TBCA: variants seen among roughly 807,000 people sequenced by gnomAD.
TBCA encodes the protein tubulin-specific chaperone A.
TBCA carries 6 observed loss-of-function variants against 15.8 expected under a neutral mutation model. The observed-to-expected ratio is 0.38, with a 90% CI of 0.21 to 0.75. The LOEUF (loss-of-function observed/expected upper bound fraction) is 0.75. Ranked by LOEUF, TBCA falls within the 30% of genes least tolerant of loss-of-function variation. TBCA has a pLI of 0.46. For missense variants in TBCA, 90 were observed against 131.2 expected, an observed-to-expected ratio of 0.69 and a Z score of 1.53; for synonymous variants, 32 against 42.3, an observed-to-expected ratio of 0.76 and a Z score of 0.94.
intron 1 of TBCA, among the ~76,000 whole-genome samples, chr5:77,711,111 T>C (rs568917357): frequency 1.3e-5 from 2 of 152,136 alleles, no homozygotes; most frequent in Non-Finnish European, 2.9e-5. Flanking sequence ...CTATGAACAG[T>C]TTTTACATTT....
intron 1 of TBCA, among the ~76,000 whole-genome samples, chr5:77,709,560 T>C (rs892713243): frequency 3.9e-5 from 6 of 152,160 alleles, no homozygotes; most frequent in Non-Finnish European, 7.4e-5. Flanking sequence ...TGCAGAGAAA[T>C]TGGAGCCATC....
chr5:77,717,293 C>T (rs1290976707), intron 1 of TBCA, among the ~76,000 whole-genome samples: 3 of 152,200 alleles, frequency 2.0e-5, no homozygotes, highest in Admixed American at 6.5e-5. Context: ...TCACTAACAG[C>T]AGAAGATTGT....
At chr5:77,711,108 C>T (rs1051673377) in intron 1 of TBCA, among the ~76,000 whole-genome samples, 2 of 152,118 alleles carry the variant, frequency 1.3e-5, no homozygotes, top group Non-Finnish European at 2.9e-5. Flanking sequence ...GAGCTATGAA[C>T]AGTTTTTACA....
intron 1 of TBCA, among the ~76,000 whole-genome samples, chr5:77,718,423 AC>A (rs1283126253): frequency 6.6e-6 from 1 of 152,232 alleles, no homozygotes; most frequent in South Asian, 2.1e-4. Context: ...GTATCCACTT[AC>A]TACTTGGATG....
At chr5:77,710,395 T>G (rs1439409505) in intron 1 of TBCA, among the ~76,000 whole-genome samples, 1 of 152,240 alleles carries the variant, frequency 6.6e-6, no homozygotes, top group African/African-American at 2.4e-5. Context: ...CATTAATGCA[T>G]ATCACAAAAG....
rs35555938 is a variant in TBCA at position 77,708,982 on chromosome 5, C to CTT, written c.54-637_54-636dup. The stretch of plus-strand genomic sequence containing the variant: ...TACCAATATATATTAATACAACTGT[C>CTT]TTTTTTTTTTTTTTTTTAAATATGT... On this transcript the variant is annotated intron_variant, in intron 1 of 3. Coordinates refer to ENST00000380377, the MANE Select transcript of TBCA (RefSeq NM_004607.3). Among the ~76,000 whole-genome samples the CTT allele has an allele frequency of 8.6e-4, 122 of 141,374 alleles. 1 individual carries two copies. The highest frequency in any genetic ancestry group is 1.2e-3 in the East Asian group (6 of 4,874). The allele number at this position is 141,374 out of a possible 152,430, so 92.7% of individuals were successfully genotyped here.
At chr5:77,722,927 A>G (rs56182368) in intron 1 of TBCA, among the ~76,000 whole-genome samples, 1 of 151,728 alleles carries the variant, frequency 6.6e-6, no homozygotes, top group Middle Eastern at 3.5e-3. Flanking sequence ...ATATCTCTCT[A>G]TGATAGTATA....
intron 1 of TBCA, among the ~76,000 whole-genome samples, chr5:77,712,214 T>C (rs1746294455): frequency 6.6e-6 from 1 of 152,214 alleles, no homozygotes; most frequent in Admixed American, 6.5e-5. Flanking sequence ...TCAGTTGACA[T>C]ACAACCTGTA....
chr5:77,710,577 A>C (rs546799642), intron 1 of TBCA, among the ~76,000 whole-genome samples: 2 of 152,140 alleles, frequency 1.3e-5, no homozygotes, highest in Non-Finnish European at 2.9e-5. Context: ...AAGCTGGGAG[A>C]TTTGACATAT....
intron 1 of TBCA, 96 bp from the exon 2 acceptor site, chr5:77,708,443 C>G (rs78984548): frequency 0.091 from 63,530 of 695,510 alleles, 3,834 homozygotes; most frequent in East Asian, 0.2. Context: ...ATTTAAAATA[C>G]CAAAGTAGAT....
In TBCA at chr5:77,709,324, A is replaced by G. The variant is rs1299775392; in HGVS notation, c.54-977T>C. ...AGTTTCAACAATAAGAAATACTGCAATACAAAGTTCTACTGATTATCCCAC... is the reference window on the plus strand; with the variant it reads ...AGTTTCAACAATAAGAAATACTGCAGTACAAAGTTCTACTGATTATCCCAC... On this transcript the variant is annotated intron_variant, in intron 1 of 3. Coordinates refer to ENST00000380377, the MANE Select transcript of TBCA (RefSeq NM_004607.3). Among the ~76,000 whole-genome samples the G allele has an allele frequency of 2.0e-5, 3 of 152,318 alleles. No homozygotes were observed. In the East Asian group the frequency reaches 5.8e-4, roughly 29 times the overall value.
intron 2 of TBCA, 34 bp from the exon 3 acceptor site, chr5:77,693,386 T>C (rs769645348): frequency 1.4e-5 from 22 of 1,593,630 alleles, no homozygotes; most frequent in East Asian, 4.5e-5. Context: ...CGTTCAAAGA[T>C]GGCAGAACTT....
Position 77,731,733 on chromosome 5 carries a change from AATTTTATTTT to A in TBCA, c.54-23396_54-23387del, listed in dbSNP as rs551060235. ...CCCATTTTTGCTATTTCCCTAGAAAAATTTTATTTTATAATATCTATATAATCGCCTATCA... is the reference window on the plus strand; with the variant it reads ...CCCATTTTTGCTATTTCCCTAGAAAAATAATATCTATATAATCGCCTATCA... On this transcript the variant is annotated intron_variant, in intron 1 of 3. Coordinates refer to ENST00000380377, the MANE Select transcript of TBCA (RefSeq NM_004607.3). Among the ~76,000 whole-genome samples, 14 of 152,210 alleles carry A rather than the reference AATTTTATTTT, an allele frequency of 9.2e-5. No homozygotes were observed. The South Asian group carries it at 2.9e-3, about 32-fold the overall frequency.
intron 1 of TBCA, among the ~76,000 whole-genome samples, chr5:77,750,299 G>C (rs1439698443): frequency 6.6e-6 from 1 of 151,946 alleles, no homozygotes; most frequent in East Asian, 1.9e-4. Context: ...GGGACATAAG[G>C]AGTAAGACAC....
intron 1 of TBCA, chr5:77,715,437 T>G (rs909864839): frequency 5.0e-5 from 28 of 555,484 alleles, no homozygotes; most frequent in African/African-American, 5.0e-4. Context: ...TAGAATAGAT[T>G]CTAAGGAACA....
chr5:77,724,847 G>A (rs1746598052), intron 1 of TBCA, among the ~76,000 whole-genome samples: 1 of 152,128 alleles, frequency 6.6e-6, no homozygotes. Context: ...GGATTTTTGT[G>A]TTAAGATTTA....
chr5:77,718,261 G>A (rs1194986578), intron 1 of TBCA, among the ~76,000 whole-genome samples: 1 of 152,124 alleles, frequency 6.6e-6, no homozygotes, highest in Admixed American at 6.5e-5. Flanking sequence ...GTAACTTACA[G>A]GATATTAGGT....
At position 77,761,038 on chromosome 5, in the gene TBCA, G is replaced by A. The variant is rs538229816; in HGVS notation, c.53+15167C>T. Among the ~76,000 whole-genome samples, 260 of 149,324 alleles carry A rather than the reference G, an allele frequency of 1.7e-3. 2 individuals are homozygous for A. Among genetic ancestry groups the A allele is most frequent in the Non-Finnish European group, 2.4e-3 (158 of 67,148 alleles). ...TGAGGAGCACCTCTGCCCGGCTGCC[G>A]CCCCGTCTGGGAAGTGAGGAGCGCC... On this transcript the variant is annotated intron_variant, in intron 1 of 3. Coordinates refer to ENST00000380377, the MANE Select transcript of TBCA (RefSeq NM_004607.3).
At chr5:77,692,344 C>T (rs1028682609) in intron 3 of TBCA, 1 of 985,356 alleles carries the variant, frequency 1.0e-6, no homozygotes, top group Non-Finnish European at 1.2e-6. Context: ...ATACCTTAAA[C>T]ACATCTTTGT....
Sources: allele counts gnomAD v4.1 joint callset (sites outside exome capture counted in the v4.1 genomes callset), GRCh38; gene constraint gnomAD v4.1.1; transcripts MANE v1.5; gene names NCBI Gene and HGNC (gene_info 2026-07-23, HGNC 2026-07-21).